The following KCNIP1 variants were observed in gnomAD, a reference collection of about 807,000 sequenced individuals.
The protein encoded by KCNIP1 is A-type potassium channel modulatory protein KCNIP1.
In KCNIP1, 18 loss-of-function variants were observed where a neutral mutation model predicts 33.0. The observed-to-expected ratio is 0.55, with a 90% CI of 0.38 to 0.81. The LOEUF is 0.81. Ranked by LOEUF, KCNIP1 falls within the 30% of genes least tolerant of loss-of-function variation. KCNIP1 has a pLI of 0.00. For missense variants in KCNIP1, 238 were observed against 271.6 expected (o/e 0.88, Z 0.87); for synonymous variants, 93 against 98.3 (o/e 0.95, Z 0.32).
At chr5:170,386,342 A>G (rs1367779344) in intron 1 of KCNIP1, among the ~76,000 whole-genome samples, 1 of 152,190 alleles carries the variant, frequency 6.6e-6, no homozygotes, top group Non-Finnish European at 1.5e-5. Context: ...TGGCGGGGGC[A>G]AGGAACAATG....
At chr5:170,354,783 C>T (rs1417914981) in intron 1 of KCNIP1, among the ~76,000 whole-genome samples, 1 of 152,210 alleles carries the variant, frequency 6.6e-6, no homozygotes, top group Non-Finnish European at 1.5e-5. Context: ...GTGAGGCCCT[C>T]AGAGGGGTCT....
chr5:170,652,670 T>C (rs183838982), intron 1 of KCNIP1, among the ~76,000 whole-genome samples: 88 of 152,306 alleles, frequency 5.8e-4, no homozygotes, highest in Admixed American at 4.5e-3. Context: ...CAGGTTTTCA[T>C]GTGTGCTTGC....
At chr5:170,411,175 T>G (rs1755178302) in intron 1 of KCNIP1, among the ~76,000 whole-genome samples, 1 of 152,220 alleles carries the variant, frequency 6.6e-6, no homozygotes. Flanking sequence ...ATTGCAGCCT[T>G]GCATGGACCT....
Position 170,735,193 on chromosome 5 carries a change from C to T in KCNIP1, c.604-566C>T, listed in dbSNP as rs185863326. On this transcript the variant is annotated intron_variant, in intron 7 of 7. Transcript: ENST00000328939. ...GAGAGCGCTTTGGGGGGTTTTCTTA[C>T]TGTATGTCTCTATTGCATGTTCTGT... 3.6e-3 allele frequency among the ~76,000 whole-genome samples: 542 copies of T among 152,232 alleles called. 4 individuals carry two copies. Among genetic ancestry groups the T allele is most frequent in the Non-Finnish European group, 6.3e-3 (428 of 68,016 alleles).
chr5:170,584,428 G>C (rs999010547), intron 1 of KCNIP1, among the ~76,000 whole-genome samples: 2 of 152,192 alleles, frequency 1.3e-5, no homozygotes, highest in African/African-American at 4.8e-5. Flanking sequence ...AGAACGGCAG[G>C]GGAGATTGAG....
chr5:170,598,591 T>C (rs1485473738), intron 1 of KCNIP1, among the ~76,000 whole-genome samples: 1 of 151,894 alleles, frequency 6.6e-6, no homozygotes, highest in Non-Finnish European at 1.5e-5. Context: ...TGGACTCGAG[T>C]CCTAGAGAGG....
intron 1 of KCNIP1, among the ~76,000 whole-genome samples, chr5:170,592,131 TG>T (rs1758284477): frequency 6.6e-6 from 1 of 152,242 alleles, no homozygotes; most frequent in Admixed American, 6.5e-5. Context: ...TGCTGCTGTT[TG>T]TTTTTTTATT....
chr5:170,693,128 C>T (rs1459432612), intron 1 of KCNIP1, among the ~76,000 whole-genome samples: 4 of 152,196 alleles, frequency 2.6e-5, no homozygotes, highest in Non-Finnish European at 5.9e-5. Flanking sequence ...ATGCCCAGCC[C>T]AGAATTGGGG....
intron 1 of KCNIP1, chr5:170,378,679 A>G (rs1200462838): frequency 5.1e-6 from 8 of 1,577,812 alleles, no homozygotes; most frequent in Non-Finnish European, 6.9e-6. Context: ...TGCCCTGACA[A>G]GTGGTATGGC....
chr5:170,715,783 T>C (rs1763625050), intron 1 of KCNIP1, among the ~76,000 whole-genome samples: 1 of 152,218 alleles, frequency 6.6e-6, no homozygotes, highest in African/African-American at 2.4e-5. Context: ...TCTCAACCAT[T>C]CAAACTTAAG....
intron 1 of KCNIP1, among the ~76,000 whole-genome samples, chr5:170,367,349 A>AAAAGAAAGAAAGAAAGAAAG (rs57303478): frequency 4.5e-4 from 35 of 76,944 alleles, no homozygotes; most frequent in Admixed American, 6.3e-4. Context: ...GAAGGAAAGA[A>AAAAGAAAGAAAGAAAGAAAG]AAAGAAAGAA....
chr5:170,662,598 C>T (rs1761543198), intron 1 of KCNIP1, among the ~76,000 whole-genome samples: 1 of 152,172 alleles, frequency 6.6e-6, no homozygotes, highest in Non-Finnish European at 1.5e-5. Flanking sequence ...TTGCCACCTC[C>T]CCAGGCTACA....
chr5:170,430,551 C>G (rs77157608), intron 1 of KCNIP1, among the ~76,000 whole-genome samples: 1 of 152,190 alleles, frequency 6.6e-6, no homozygotes, highest in Non-Finnish European at 1.5e-5. Context: ...CTATCATACC[C>G]GGTATGGCTA....
intron 1 of KCNIP1, among the ~76,000 whole-genome samples, chr5:170,381,055 T>C (rs1287766373): frequency 6.6e-6 from 1 of 152,210 alleles, no homozygotes; most frequent in Admixed American, 6.5e-5. Flanking sequence ...CTTTACCTTC[T>C]TAAAAAGAGG....
At chr5:170,472,700 T>C (rs1253283040) in intron 1 of KCNIP1, among the ~76,000 whole-genome samples, 1 of 151,800 alleles carries the variant, frequency 6.6e-6, no homozygotes, top group African/African-American at 2.4e-5. Flanking sequence ...CATTCCTGAG[T>C]TACTTCACTT....
chr5:170,380,810 G>A (rs1250365343), intron 1 of KCNIP1, among the ~76,000 whole-genome samples: 3 of 152,144 alleles, frequency 2.0e-5, no homozygotes, highest in Non-Finnish European at 4.4e-5. Context: ...AGTCAGACAG[G>A]CCTGAGTTCT....
At chr5:170,454,707 T>C (rs1756333068) in intron 1 of KCNIP1, among the ~76,000 whole-genome samples, 1 of 152,226 alleles carries the variant, frequency 6.6e-6, no homozygotes, top group African/African-American at 2.4e-5. Flanking sequence ...GAATTAAGAA[T>C]GTTTTTATAT....
intron 1 of KCNIP1, among the ~76,000 whole-genome samples, chr5:170,412,694 G>A (rs1561613371): frequency 1.3e-5 from 2 of 152,158 alleles, no homozygotes; most frequent in Non-Finnish European, 2.9e-5. Context: ...GGGGTGCAGT[G>A]CAGAGTGAGG....
chr5:170,598,780 G>A (rs140920535), intron 1 of KCNIP1, among the ~76,000 whole-genome samples: 9 of 152,260 alleles, frequency 5.9e-5, no homozygotes, highest in African/African-American at 2.2e-4. Context: ...GTCAGCAGAG[G>A]CCATGTAGGG....
Sources: allele counts gnomAD v4.1 joint callset (sites outside exome capture counted in the v4.1 genomes callset), GRCh38; gene constraint gnomAD v4.1.1; transcripts MANE v1.5; gene names NCBI Gene and HGNC (gene_info 2026-07-23, HGNC 2026-07-21).